The following SLC39A12 variants were observed in gnomAD, a reference collection of about 807,000 sequenced individuals.
The protein encoded by SLC39A12 is zinc transporter ZIP12.
SLC39A12 carries 63 observed loss-of-function variants against 71.1 expected under a neutral mutation model. The observed-to-expected ratio is 0.89, with a 90% CI of 0.72 to 1.09. SLC39A12 has a LOEUF of 1.09. Among genes scored for constraint, SLC39A12 ranks in the 50% least tolerant of loss-of-function variants. The pLI is 0.00. For missense variants in SLC39A12, 892 were observed against 812.6 expected, an observed-to-expected ratio of 1.10 and a Z score of -1.19; for synonymous variants, 351 against 301.3, an observed-to-expected ratio of 1.16 and a Z score of -1.71.
chr10:18,041,372 T>TGA (rs1193973009), intron 12 of SLC39A12, among the ~76,000 whole-genome samples: 1 of 151,720 alleles, frequency 6.6e-6, no homozygotes, highest in African/African-American at 2.4e-5. Context: ...AGCACATGCC[T>TGA]GTAGTCCTAG....
chr10:18,009,671 TC>T (rs1836145381), intron 12 of SLC39A12: 1 of 152,218 alleles, frequency 6.6e-6, no homozygotes, highest in East Asian at 1.9e-4. Context: ...TTACTTATCT[TC>T]CCTCTTGTGA....
chr10:17,972,003 T>G (rs149960931), intron 4 of SLC39A12, among the ~76,000 whole-genome samples: 2,058 of 152,308 alleles, frequency 0.014, 39 homozygotes, highest in African/African-American at 0.043. Flanking sequence ...ACTTTTGTTG[T>G]TTCTCATAGG....
intron 10 of SLC39A12, among the ~76,000 whole-genome samples, chr10:17,998,764 T>C (rs899138747): frequency 6.6e-6 from 1 of 152,180 alleles, no homozygotes; most frequent in Non-Finnish European, 1.5e-5. Flanking sequence ...TTGGGTTATA[T>C]CTGGTATTTA....
At chr10:17,989,898 G>A (rs994543631) in intron 7 of SLC39A12, among the ~76,000 whole-genome samples, 3 of 151,890 alleles carry the variant, frequency 2.0e-5, no homozygotes, top group African/African-American at 7.3e-5. Flanking sequence ...GCAACAGAAC[G>A]AGACTCTGTC....
At chr10:17,981,054 G>A (rs2130808521) in intron 5 of SLC39A12, among the ~76,000 whole-genome samples, 1 of 152,114 alleles carries the variant, frequency 6.6e-6, no homozygotes, top group East Asian at 1.9e-4. Context: ...TGTCTTTCTA[G>A]GAAAGAAAAA....
At chr10:17,990,489 A>G (rs1400720494) in intron 7 of SLC39A12, among the ~76,000 whole-genome samples, 1 of 152,146 alleles carries the variant, frequency 6.6e-6, no homozygotes, top group Non-Finnish European at 1.5e-5. Context: ...GAGAAGGGAT[A>G]TGGTATAGAA....
At chr10:17,957,817 G>A (rs1019310605) in intron 2 of SLC39A12, among the ~76,000 whole-genome samples, 3 of 152,158 alleles carry the variant, frequency 2.0e-5, no homozygotes, top group Non-Finnish European at 4.4e-5. Flanking sequence ...TCAAGCCACA[G>A]CCTTCTGTAT....
chr10:18,005,782 G>C (rs1400725687), intron 12 of SLC39A12: 1 of 152,084 alleles, frequency 6.6e-6, no homozygotes, highest in Non-Finnish European at 1.5e-5. Flanking sequence ...GATTCCAGCT[G>C]GCATAAATCT....
chr10:17,976,588 T>A (rs540170627), intron 4 of SLC39A12, among the ~76,000 whole-genome samples: 6 of 151,984 alleles, frequency 3.9e-5, no homozygotes, highest in Non-Finnish European at 5.9e-5. Context: ...TGGCTAATTT[T>A]TATATATATA....
intron 12 of SLC39A12, among the ~76,000 whole-genome samples, chr10:18,024,610 C>T (rs1836623758): frequency 6.6e-6 from 1 of 152,182 alleles, no homozygotes; most frequent in Non-Finnish European, 1.5e-5. Context: ...TTACTTGCCA[C>T]TCTATGTCTT....
intron 4 of SLC39A12, among the ~76,000 whole-genome samples, chr10:17,975,354 T>G (rs7073528): frequency 0.012 from 1,851 of 152,272 alleles, 37 homozygotes; most frequent in African/African-American, 0.041. Context: ...GCTGGTTGTT[T>G]AGGGTCCAAG....
In SLC39A12 at chr10:17,992,953, AC is replaced by A. The variant is rs573112294; in HGVS notation, c.1423-227del. Reference sequence around the variant, plus strand: ...TAAAATTTAATTTTGTGTAAATATAACTTTTTTTAGTAAATAAAAAGACAGT... The same window carrying A: ...TAAAATTTAATTTTGTGTAAATATAATTTTTTTAGTAAATAAAAAGACAGT... On this transcript the variant is annotated intron_variant, in intron 8 of 12. Coordinates refer to ENST00000377369, the MANE Select transcript of SLC39A12 (RefSeq NM_001145195.2). Among the ~76,000 whole-genome samples, 357 of 152,328 alleles carry A rather than the reference AC, an allele frequency of 2.3e-3. 2 individuals are homozygous for A. The highest frequency in any genetic ancestry group is 8.2e-3 in the African/African-American group (343 of 41,580).
intron 12 of SLC39A12, among the ~76,000 whole-genome samples, chr10:18,038,524 C>G (rs1164713408): frequency 1.3e-5 from 2 of 152,076 alleles, no homozygotes; most frequent in African/African-American, 4.8e-5. Context: ...GTGGTGTGTG[C>G]CTGTAATCCC....
At chr10:18,029,547 A>C (rs924945450) in intron 12 of SLC39A12, among the ~76,000 whole-genome samples, 2 of 152,220 alleles carry the variant, frequency 1.3e-5, no homozygotes, top group Non-Finnish European at 2.9e-5. Context: ...AGAAATCTAA[A>C]GAACATTTCT....
rs1336144147 is a variant in SLC39A12 at position 18,003,352 on chromosome 10, T to C, written c.1941T>C (p.Val647=). ...GGATGTTCTTATATTTATCCTTGGT[T>C]GAAATGGTAAGCTTGGTGGCTTTTC... ...TAGMFLYLSL[V]EMLPEMTHVQ... is the part of the protein sequence containing the mutation. Residue 647 remains valine, a synonymous_variant, in exon 12 of 13, where the codon GTT becomes GTC. Transcript: ENST00000377369. 1 of 1,607,878 alleles carries C rather than the reference T, an allele frequency of 6.2e-7. No individual in the cohort carries two copies. The highest frequency in any genetic ancestry group is 2.2e-5 in the East Asian group (1 of 44,818).
chr10:17,995,735 C>A lies in SLC39A12; in HGVS notation c.1600+13C>A. 1 of 1,606,076 alleles carries A rather than the reference C, an allele frequency of 6.2e-7. No individual in the cohort carries two copies. The highest frequency in any genetic ancestry group is 8.5e-7 in the Non-Finnish European group (1 of 1,176,708). On this transcript the variant is annotated intron_variant, in intron 10 of 12. Coordinates refer to ENST00000377369, the MANE Select transcript of SLC39A12 (RefSeq NM_001145195.2). Reference sequence around the variant, plus strand: ...TCCAACAGAAAATGTGAGTACCAAGCTAAACTTTACATGTGGAAAGTGCCA... The same window carrying A: ...TCCAACAGAAAATGTGAGTACCAAGATAAACTTTACATGTGGAAAGTGCCA...
chr10:17,971,836 T>C (rs557349978), intron 4 of SLC39A12, among the ~76,000 whole-genome samples: 1 of 152,210 alleles, frequency 6.6e-6, no homozygotes, highest in Non-Finnish European at 1.5e-5. Context: ...TTCATTTACT[T>C]CTGCTCTAAT....
At chr10:18,009,784 T>G (rs1836149024) in intron 12 of SLC39A12, 1 of 152,210 alleles carries the variant, frequency 6.6e-6, no homozygotes, top group Non-Finnish European at 1.5e-5. Context: ...AAAGGTATTT[T>G]GAATATGAAT....
At chr10:18,038,394 T>A (rs540424358) in intron 12 of SLC39A12, among the ~76,000 whole-genome samples, 1 of 152,318 alleles carries the variant, frequency 6.6e-6, no homozygotes, top group South Asian at 2.1e-4. Context: ...GACAATTTTG[T>A]AATCCCAGCA....
Sources: gnomAD v4.1 joint callset for allele counts (sites outside exome capture counted in the v4.1 genomes callset) on GRCh38, gnomAD v4.1.1 for gene constraint, MANE v1.5 for transcripts, NCBI Gene and HGNC (gene_info 2026-07-23, HGNC 2026-07-21) for gene names.